The following USP54 variants were observed in gnomAD, a reference collection of about 807,000 sequenced individuals.
The protein encoded by USP54 is ubiquitin carboxyl-terminal hydrolase 54.
In USP54, 87 loss-of-function variants were observed where a neutral mutation model predicts 170.5. The observed-to-expected ratio is 0.51, with a 90% CI of 0.43 to 0.61. The LOEUF is 0.61. Ranked by LOEUF, USP54 falls within the 20% of genes least tolerant of loss-of-function variation. USP54 has a pLI of 0.00. For missense variants in USP54, 1,786 were observed against 2,047.8 expected, an observed-to-expected ratio of 0.87 and a Z score of 2.47; for synonymous variants, 655 against 742.8, an observed-to-expected ratio of 0.88 and a Z score of 1.92.
In USP54 at chr10:73,543,068, C is replaced by T; in HGVS notation, c.439G>A (p.Ala147Thr). The T allele has an allele frequency of 6.2e-7, 1 of 1,614,152 alleles. No homozygotes were observed. Among genetic ancestry groups the T allele is most frequent in the Non-Finnish European group, 8.5e-7 (1 of 1,180,028 alleles). Reference protein sequence around the residue: ...ADETKEDICTAQHCISHQKFA... With the variant: ...ADETKEDICTTQHCISHQKFA... Reference sequence around the variant, plus strand: ...TTCTGATGGGAAATGCAGTGTTGGGCAGTACATATATCCTCTTTGGTTTCA... The same window carrying T: ...TTCTGATGGGAAATGCAGTGTTGGGTAGTACATATATCCTCTTTGGTTTCA... The change falls in exon 6 of 24, where the codon GCC (alanine) becomes ACC (threonine). Residue 147 changes from alanine to threonine, a missense_variant. Transcript: ENST00000687698.
chr10:73,523,458 G>A, intron 17 of USP54, 125 bp downstream of exon 17: 3 of 1,155,590 alleles, frequency 2.6e-6, no homozygotes, highest in Non-Finnish European at 3.6e-6. Context: ...TCACTGGAAT[G>A]GGTGAATTAA....
At chr10:73,623,534 A>G (rs2081252890) in intron 1 of USP54, among the ~76,000 whole-genome samples, 2 of 152,152 alleles carry the variant, frequency 1.3e-5, no homozygotes, top group African/African-American at 4.8e-5. Flanking sequence ...CTGTAGTCTC[A>G]GCTCTGTTCA....
intron 1 of USP54, among the ~76,000 whole-genome samples, chr10:73,576,866 A>G (rs1192155032): frequency 1.3e-5 from 2 of 152,254 alleles, no homozygotes; most frequent in Admixed American, 6.5e-5. Context: ...ACTGATGGCG[A>G]GTAAACCACA....
chr10:73,517,407 T>C lies in USP54; in HGVS notation c.3019A>G (p.Ser1007Gly), dbSNP rs771913920. The C allele has an allele frequency of 6.2e-7, 1 of 1,614,088 alleles. No homozygotes were observed. Among genetic ancestry groups the C allele is most frequent in the Non-Finnish European group, 8.5e-7 (1 of 1,179,974 alleles). The change falls in exon 20 of 24, where the codon AGC (serine) becomes GGC (glycine). Residue 1007 changes from serine (S) to glycine (G), a missense_variant. Ser to Gly is a moderately conservative substitution (Grantham distance 56). Coordinates refer to ENST00000687698, the MANE Select transcript of USP54 (RefSeq NM_001391956.1). ...GKLQGSRCDN[S>G]SCSKLPPQEG... ...TGTGGAGGGAGCTTGCTGCAACTGC[T>C]GTTGTCACACCTAGAGCCTTGCAGC...
intron 1 of USP54, among the ~76,000 whole-genome samples, chr10:73,608,164 A>G (rs58718675): frequency 0.087 from 13,151 of 151,906 alleles, 840 homozygotes; most frequent in African/African-American, 0.18. Context: ...AGGGGATGAG[A>G]CAAAAGAATT....
Position 73,541,532 on chromosome 10 carries a change from T to C in USP54, c.679-11A>G. The C allele has an allele frequency of 6.2e-7, 1 of 1,614,060 alleles. No homozygotes were observed. The highest frequency in any genetic ancestry group is 1.1e-5 in the South Asian group (1 of 91,068). ...CTCTCCACAGTTGCTCTGAAATACATATATAAGGCTAGTTCAACATGTTTC... is the reference window on the plus strand; with the variant it reads ...CTCTCCACAGTTGCTCTGAAATACACATATAAGGCTAGTTCAACATGTTTC... On this transcript the variant is annotated splice_polypyrimidine_tract_variant and intron_variant, in intron 8 of 23. Transcript: ENST00000687698.
chr10:73,574,392 G>C (rs1024039603), intron 3 of USP54, among the ~76,000 whole-genome samples: 3 of 152,186 alleles, frequency 2.0e-5, no homozygotes, highest in Admixed American at 1.3e-4. Context: ...TGAATATTAA[G>C]AGACGAGATT....
intron 1 of USP54, among the ~76,000 whole-genome samples, chr10:73,607,794 G>GCACCCCAGC (rs376855358): frequency 1.2e-3 from 180 of 145,598 alleles, no homozygotes; most frequent in African/African-American, 2.6e-3. Context: ...TCACGCCACT[G>GCACCCCAGC]CACCCCAGCC....
At chr10:73,533,490 G>GT (rs546177990) in intron 12 of USP54, among the ~76,000 whole-genome samples, 370 of 151,504 alleles carry the variant, frequency 2.4e-3, no homozygotes, top group African/African-American at 8.5e-3. Context: ...TAGGTGATGG[G>GT]TACATGAATG....
chr10:73,579,967 C>T lies in USP54; in HGVS notation c.-581-3606G>A, dbSNP rs146491245. Among the ~76,000 whole-genome samples, 111 of 152,160 alleles carry T rather than the reference C, an allele frequency of 7.3e-4. 1 individual carries two copies. Among genetic ancestry groups the T allele is most frequent in the African/African-American group, 2.3e-3 (94 of 41,508 alleles). On this transcript the variant is annotated intron_variant, in intron 1 of 23. Transcript: ENST00000687698. ...AACAAAAACAAAAAAACTTTTTAAA[C>T]CTGACAATAACAAGTGCCGATGAGG...
chr10:73,516,323 CA>C (rs2061077017), intron 20 of USP54, 51 bp downstream of exon 20: 1 of 1,542,814 alleles, frequency 6.5e-7, no homozygotes. Flanking sequence ...TCCCTGCTTT[CA>C]GCTTTTATAT....
chr10:73,583,719 A>G (rs1459065972), intron 1 of USP54, among the ~76,000 whole-genome samples: 1 of 152,176 alleles, frequency 6.6e-6, no homozygotes, highest in Non-Finnish European at 1.5e-5. Flanking sequence ...ACTGCACTCC[A>G]GCCAGGGTGA....
At chr10:73,613,078 G>A (rs1017352448) in intron 1 of USP54, among the ~76,000 whole-genome samples, 1 of 150,726 alleles carries the variant, frequency 6.6e-6, no homozygotes, top group East Asian at 2.0e-4. Flanking sequence ...GATTGCTTAA[G>A]CCCAGGAGGT....
intron 4 of USP54, among the ~76,000 whole-genome samples, chr10:73,571,041 G>C (rs972197454): frequency 2.0e-5 from 3 of 147,868 alleles, no homozygotes; most frequent in Non-Finnish European, 4.4e-5. Context: ...GGGAGGCTGA[G>C]ACAGGAGAAT....
At chr10:73,612,725 C>G (rs748860683) in intron 1 of USP54, among the ~76,000 whole-genome samples, 2 of 150,176 alleles carry the variant, frequency 1.3e-5, no homozygotes, top group Non-Finnish European at 2.9e-5. Context: ...GCCTGTACCC[C>G]ACTTACTCAG....
At chr10:73,606,175 CAAAAAAA>C (rs1178699732) in intron 1 of USP54, among the ~76,000 whole-genome samples, 37 of 25,618 alleles carry the variant, frequency 1.4e-3, no homozygotes, top group Middle Eastern at 0.036. Context: ...GAGGCTGTCT[CAAAAAAA>C]AAAAAAAAAA....
At chr10:73,599,229 A>T (rs781722451) in intron 1 of USP54, among the ~76,000 whole-genome samples, 12 of 152,220 alleles carry the variant, frequency 7.9e-5, no homozygotes, top group Non-Finnish European at 1.6e-4. Context: ...AATTTGTATC[A>T]CTACATTATC....
intron 1 of USP54, chr10:73,625,448 C>T (rs1471657366): frequency 6.6e-6 from 1 of 152,020 alleles, no homozygotes; most frequent in Non-Finnish European, 1.5e-5. Flanking sequence ...CGCGCGGTCC[C>T]CGACTAGCCT....
chr10:73,549,680 G>C (rs574838438), intron 4 of USP54, among the ~76,000 whole-genome samples: 27 of 152,180 alleles, frequency 1.8e-4, no homozygotes, highest in African/African-American at 6.3e-4. Context: ...CACCTCATCT[G>C]CTATCAGCCT....
Sources: gnomAD v4.1 joint callset for allele counts (sites outside exome capture counted in the v4.1 genomes callset) on GRCh38, gnomAD v4.1.1 for gene constraint, MANE v1.5 for transcripts, NCBI Gene and HGNC (gene_info 2026-07-23, HGNC 2026-07-21) for gene names.